TRIM3: variants seen among roughly 807,000 people sequenced by gnomAD.
The protein encoded by TRIM3 is tripartite motif-containing protein 3.
In TRIM3, 13 loss-of-function variants were observed where a neutral mutation model predicts 66.6. That is an observed-to-expected ratio of 0.20 (90% CI 0.13 to 0.31). The LOEUF (loss-of-function observed/expected upper bound fraction) is 0.31. TRIM3 is among the 10% of genes least tolerant of loss of function. The probability of loss-of-function intolerance (pLI) is 1.00; values close to 1 mark genes in which losing one functional copy is unlikely to be tolerated. For synonymous variants in TRIM3, 406 were observed against 411.7 expected (o/e 0.99, Z 0.17); for missense variants, 711 against 1,020.4 (o/e 0.70, Z 4.13).
intron 1 of TRIM3, among the ~76,000 whole-genome samples, chr11:6,470,257 C>A (rs1850627983): frequency 6.6e-6 from 1 of 152,124 alleles, no homozygotes; most frequent in African/African-American, 2.4e-5. Context: ...AGGGGGATAT[C>A]AACTGAACTT....
In TRIM3 at chr11:6,458,736, G is replaced by A. The variant is rs993493255; in HGVS notation, c.132-440C>T. Reference sequence around the variant, plus strand: ...CCCATCTACAGAGAAAAAAGTCACAGGAATAGTACAGAAGTAAATAGCATG... The same window carrying A: ...CCCATCTACAGAGAAAAAAGTCACAAGAATAGTACAGAAGTAAATAGCATG... On this transcript the variant is annotated intron_variant, in intron 2 of 11. Coordinates refer to ENST00000345851, the MANE Select transcript of TRIM3 (RefSeq NM_033278.4). The surrounding 1 kb of genome is among the most constrained non-coding windows in gnomAD (Gnocchi z 6.2). 6.6e-6 allele frequency among the ~76,000 whole-genome samples: 1 copy of A among 152,184 alleles called. No homozygotes were observed. The highest frequency in any genetic ancestry group is 1.5e-5 in the Non-Finnish European group (1 of 68,038).
At chr11:6,451,494 A>G in intron 7 of TRIM3, 56 bp from the exon 8 acceptor site, 1 of 1,589,594 alleles carries the variant, frequency 6.3e-7, no homozygotes. Context: ...CTGTGGGCAC[A>G]GACAGAAGGG....
Position 6,448,928 on chromosome 11 carries a change from CA to C in TRIM3, c.*99del. On this transcript the variant is annotated 3_prime_UTR_variant, in exon 12 of 12. Coordinates refer to ENST00000345851, the MANE Select transcript of TRIM3 (RefSeq NM_033278.4). ...CGGGTGCACCCATGCCCACAGCCCA[CA>C]TTCAGTGCTGCCAGGTCTGGCCCAC... 6.7e-7 allele frequency: 1 copy of C among 1,494,340 alleles called. No individual in the cohort carries two copies. Among genetic ancestry groups the C allele is most frequent in the Non-Finnish European group, 9.2e-7 (1 of 1,082,616 alleles). The allele number at this position is 1,494,340 out of a possible 1,614,324, so 92.6% of individuals were successfully genotyped here.
Position 6,448,809 on chromosome 11 carries a change from C to G in TRIM3, c.*219G>C. ...GGTAGGGTGAAGCTCTGCACACATC[C>G]TTGGGACCACAGTCCAGGCTCACCC... is the stretch of plus-strand genomic sequence containing the variant. On this transcript the variant is annotated 3_prime_UTR_variant, in exon 12 of 12. Coordinates refer to ENST00000345851, the MANE Select transcript of TRIM3 (RefSeq NM_033278.4). 1.6e-6 allele frequency: 1 copy of G among 626,454 alleles called. No individual in the cohort carries two copies. The highest frequency in any genetic ancestry group is 2.8e-6 in the Non-Finnish European group (1 of 353,342). 38.8% of individuals were successfully genotyped at this position (626,454 alleles called of 1,614,324 possible).
rs944769154 is a variant in TRIM3 at position 6,473,888 on chromosome 11, GCCCGCGCCTCCGCCTGTC to G, written c.-153_-136del. 2 of 152,080 alleles carry G rather than the reference GCCCGCGCCTCCGCCTGTC, an allele frequency of 1.3e-5. No homozygotes were observed. Among genetic ancestry groups the G allele is most frequent in the Non-Finnish European group, 2.9e-5 (2 of 68,020 alleles). The allele number at this position is 152,080 out of a possible 1,614,324, so 9.4% of individuals were successfully genotyped here. ...TGCCAGCGCCCGTCCGCCCGGCCCT[GCCCGCGCCTCCGCCTGTC>G]CCCGCGCCGGCGCCGCCGCCGGACT... is the stretch of plus-strand genomic sequence containing the variant. On this transcript the variant is annotated 5_prime_UTR_variant, in exon 1 of 12. Coordinates refer to ENST00000345851, the MANE Select transcript of TRIM3 (RefSeq NM_033278.4).
Position 6,448,831 on chromosome 11 carries a change from A to G in TRIM3, c.*197T>C, listed in dbSNP as rs761617065. On this transcript the variant is annotated 3_prime_UTR_variant, in exon 12 of 12. Coordinates refer to ENST00000345851, the MANE Select transcript of TRIM3 (RefSeq NM_033278.4). ...ATCCTTGGGACCACAGTCCAGGCTC[A>G]CCCAGTCACCAAAGCAAGAACCGAA... is the stretch of plus-strand genomic sequence containing the variant. 7.6e-6 allele frequency: 5 copies of G among 658,712 alleles called. No individual in the cohort carries two copies. Among genetic ancestry groups the G allele is most frequent in the Non-Finnish European group, 1.3e-5 (5 of 378,800 alleles). 40.8% of individuals were successfully genotyped at this position (658,712 alleles called of 1,614,324 possible).
At position 6,449,608 on chromosome 11, in the gene TRIM3, T is replaced by G. The variant is rs1849638465; in HGVS notation, c.1942-162A>C. Reference sequence around the variant, plus strand: ...CTTCACATCCATGTGCCCTACTGCCTAGTAGACATCTCTTGCTGATGTCCA... The same window carrying G: ...CTTCACATCCATGTGCCCTACTGCCGAGTAGACATCTCTTGCTGATGTCCA... On this transcript the variant is annotated intron_variant, in intron 10 of 11. Coordinates refer to ENST00000345851, the MANE Select transcript of TRIM3 (RefSeq NM_033278.4). This position sits in a 1 kb window ranked among gnomAD's most constrained non-coding sequence, Gnocchi z 5.3. The G allele has an allele frequency of 5.2e-6, 3 of 581,048 alleles. No individual in the cohort carries two copies. Among genetic ancestry groups the G allele is most frequent in the Non-Finnish European group, 8.9e-6 (3 of 336,610 alleles). 36.0% of individuals were successfully genotyped at this position (581,048 alleles called of 1,614,324 possible). A position where few individuals can be genotyped will look rare whatever the true frequency, so the allele number is the denominator to read the frequency against.
Position 6,450,996 on chromosome 11 carries a change from A to T in TRIM3, c.1766T>A (p.Ile589Asn). 6.2e-7 allele frequency: 1 copy of T among 1,614,194 alleles called. No homozygotes were observed. Among genetic ancestry groups the T allele is most frequent in the Non-Finnish European group, 8.5e-7 (1 of 1,180,036 alleles). ...GCAAGACTTGTTGTCGACCACAATG[A>T]TATGTCCATTCCGGTCTACGGCCAC... ...KGVAVDRNGH[I>N]IVVDNKSCCV... Residue 589 changes from isoleucine to asparagine, a missense_variant, in exon 9 of 12, where the codon ATC (isoleucine) becomes AAC (asparagine). Ile to Asn is a moderately radical substitution (Grantham distance 149). Coordinates refer to ENST00000345851, the MANE Select transcript of TRIM3 (RefSeq NM_033278.4). This position sits in a 1 kb window ranked among gnomAD's most constrained non-coding sequence, Gnocchi z 4.8.
At chr11:6,467,322 G>A (rs1333757353) in intron 1 of TRIM3, among the ~76,000 whole-genome samples, 1 of 152,216 alleles carries the variant, frequency 6.6e-6, no homozygotes, top group East Asian at 1.9e-4. Context: ...ATTCTAGGCT[G>A]AAGAAACAGC....
intron 2 of TRIM3, among the ~76,000 whole-genome samples, chr11:6,460,174 T>C (rs1250846984): frequency 6.6e-6 from 1 of 152,168 alleles, no homozygotes; most frequent in Non-Finnish European, 1.5e-5. Context: ...GTCATCAGCG[T>C]TAAAAGCAGC....
intron 2 of TRIM3, among the ~76,000 whole-genome samples, chr11:6,462,399 C>A (rs1291171864): frequency 6.6e-6 from 1 of 151,230 alleles, no homozygotes; most frequent in Non-Finnish European, 1.5e-5. Context: ...GGAAATATTT[C>A]TTTTTTTTTA....
At position 6,458,385 on chromosome 11, in the gene TRIM3, C is replaced by T; in HGVS notation, c.132-89G>A. ...ACTTCCCATGGGTGCCAACCCCTTCCCTCACAGGTGTGCCATTACACTTCA... is the reference window on the plus strand; with the variant it reads ...ACTTCCCATGGGTGCCAACCCCTTCTCTCACAGGTGTGCCATTACACTTCA... On this transcript the variant is annotated intron_variant, in intron 2 of 11. Coordinates refer to ENST00000345851, the MANE Select transcript of TRIM3 (RefSeq NM_033278.4). This position sits in a 1 kb window ranked among gnomAD's most constrained non-coding sequence, Gnocchi z 6.2. 1 of 1,051,262 alleles carries T rather than the reference C, an allele frequency of 9.5e-7. No individual in the cohort carries two copies. Among genetic ancestry groups the T allele is most frequent in the Non-Finnish European group, 1.4e-6 (1 of 707,418 alleles). The allele number at this position is 1,051,262 out of a possible 1,614,324, so 65.1% of individuals were successfully genotyped here. A position where few individuals can be genotyped will look rare whatever the true frequency, so the allele number is the denominator to read the frequency against.
chr11:6,452,861 C>G (rs1849790423), intron 7 of TRIM3: 1 of 152,186 alleles, frequency 6.6e-6, no homozygotes. Flanking sequence ...CTATCCCACC[C>G]CTGACACCTG....
At chr11:6,454,815 G>T (rs1251562358) in intron 7 of TRIM3, among the ~76,000 whole-genome samples, 1 of 152,168 alleles carries the variant, frequency 6.6e-6, no homozygotes, top group Non-Finnish European at 1.5e-5. Flanking sequence ...GTCACTGAGG[G>T]AAAGGACCTT....
At position 6,456,263 on chromosome 11, in the gene TRIM3, T is replaced by C; in HGVS notation, c.1429+34A>G. On this transcript the variant is annotated intron_variant, in intron 6 of 11. Coordinates refer to ENST00000345851, the MANE Select transcript of TRIM3 (RefSeq NM_033278.4). This position sits in a 1 kb window ranked among gnomAD's most constrained non-coding sequence, Gnocchi z 6.4. ...TCCCTCCCCACCCACTACCTGAGCC[T>C]GGCCCATCTGGCTCTGCCCTCGGCT... 6.3e-7 allele frequency: 1 copy of C among 1,586,600 alleles called. No homozygotes were observed. The highest frequency in any genetic ancestry group is 8.6e-7 in the Non-Finnish European group (1 of 1,163,238).
Position 6,449,277 on chromosome 11 carries a change from C to T in TRIM3, c.2082+29G>A. ...ATATGGGACACACCAGGAAACCGCC[C>T]CCTCATGTCATTCCCAGGCCTTACT... On this transcript the variant is annotated intron_variant, in intron 11 of 11. Coordinates refer to ENST00000345851, the MANE Select transcript of TRIM3 (RefSeq NM_033278.4). The surrounding 1 kb of genome is among the most constrained non-coding windows in gnomAD (Gnocchi z 5.3). 1 of 1,610,994 alleles carries T rather than the reference C, an allele frequency of 6.2e-7. No individual in the cohort carries two copies. The highest frequency in any genetic ancestry group is 8.5e-7 in the Non-Finnish European group (1 of 1,177,468).
Position 6,451,332 on chromosome 11 carries a change from A to G in TRIM3, c.1640T>C (p.Ile547Thr). The change falls in exon 8 of 12, where the codon ATA (isoleucine) becomes ACA (threonine). Residue 547 changes from isoleucine (I) to threonine (T), a missense_variant. Around this residue, in one of 3 missense-constraint regions of TRIM3, gnomAD observed 163 missense variants for 321.9 expected, o/e 0.51. Coordinates refer to ENST00000345851, the MANE Select transcript of TRIM3 (RefSeq NM_033278.4). ...TGVAVDTNGD[I>T]IVADYDNRWV... is the part of the protein sequence containing the mutation. ...ACGGTTGTCATAGTCTGCCACAATT[A>G]TGTCTCCATTGGTGTCCACTGCCAC... The G allele has an allele frequency of 6.2e-7, 1 of 1,614,204 alleles. No individual in the cohort carries two copies. Among genetic ancestry groups the G allele is most frequent in the Non-Finnish European group, 8.5e-7 (1 of 1,180,038 alleles).
chr11:6,466,485 G>A (rs1248642407), intron 1 of TRIM3, among the ~76,000 whole-genome samples: 1 of 151,856 alleles, frequency 6.6e-6, no homozygotes, highest in East Asian at 1.9e-4. Context: ...TCCTTCAAAT[G>A]TTATCCATTG....
At chr11:6,464,320 T>G (rs888823717) in intron 2 of TRIM3, among the ~76,000 whole-genome samples, 22 of 152,264 alleles carry the variant, frequency 1.4e-4, no homozygotes, top group South Asian at 1.2e-3. Flanking sequence ...TCATGTCACA[T>G]GAGCTTTTCC....
Sources: allele counts gnomAD v4.1 joint callset (sites outside exome capture counted in the v4.1 genomes callset), GRCh38; gene constraint gnomAD v4.1.1; regional missense constraint gnomAD v4.1.1; non-coding constraint Gnocchi (gnomAD v3.1); transcripts MANE v1.5; gene names NCBI Gene and HGNC (gene_info 2026-07-23, HGNC 2026-07-21).